GUCY1A2: variants seen among roughly 807,000 people sequenced by gnomAD.
The protein encoded by GUCY1A2 is guanylate cyclase 1 soluble subunit alpha 2, also known as guanylate cyclase soluble subunit alpha-2.
GUCY1A2 carries 27 observed loss-of-function variants against 63.5 expected under a neutral mutation model. The ratio of observed to expected loss-of-function variants is 0.43; its 90% confidence interval spans 0.31 to 0.59. GUCY1A2 has a LOEUF of 0.59. Among genes scored for constraint, GUCY1A2 ranks in the 20% least tolerant of loss-of-function variants. The pLI is 0.11. For synonymous variants in GUCY1A2, 364 were observed against 343.5 expected, an observed-to-expected ratio of 1.06 and a Z score of -0.66; for missense variants, 768 against 913.3, an observed-to-expected ratio of 0.84 and a Z score of 2.05.
chr11:106,946,460 ACT>A (rs1860830470), intron 3 of GUCY1A2, among the ~76,000 whole-genome samples: 1 of 152,116 alleles, frequency 6.6e-6, no homozygotes, highest in African/African-American at 2.4e-5. Context: ...AAATGAGAAA[ACT>A]CTCACAAGAA....
intron 1 of GUCY1A2, among the ~76,000 whole-genome samples, chr11:107,006,380 C>A (rs938325303): frequency 1.3e-5 from 2 of 152,018 alleles, no homozygotes; most frequent in Non-Finnish European, 2.9e-5. Context: ...AAGTTATTTC[C>A]CCAAAGTCAA....
chr11:106,713,884 C>G lies in GUCY1A2; in HGVS notation c.1837-5218G>C, dbSNP rs186992360. ...TGTTATCTTGTGCAATGCATGTTTG[C>G]TAGAAGTACACCCAAACTTTAGATG... On this transcript the variant is annotated intron_variant, in intron 6 of 7. Coordinates refer to ENST00000526355, the MANE Select transcript of GUCY1A2 (RefSeq NM_000855.3). Among the ~76,000 whole-genome samples, 195 of 151,992 alleles carry G rather than the reference C, an allele frequency of 1.3e-3. 1 individual carries two copies. The highest frequency in any genetic ancestry group is 2.3e-3 in the Non-Finnish European group (157 of 67,964).
Position 106,728,717 on chromosome 11 carries a change from T to C in GUCY1A2, c.1837-20051A>G, listed in dbSNP as rs185603619. ...AAACTGAAGATGTAAATTTTATAAT[T>C]ACCGAAGATCAATATTATGACACTT... On this transcript the variant is annotated intron_variant, in intron 6 of 7. Transcript: ENST00000526355. Among the ~76,000 whole-genome samples, 722 of 152,298 alleles carry C rather than the reference T, an allele frequency of 4.7e-3. 1 individual carries two copies. Among genetic ancestry groups the C allele is most frequent in the Non-Finnish European group, 7.6e-3 (516 of 68,008 alleles).
chr11:106,929,533 A>C (rs1054953098), intron 4 of GUCY1A2, among the ~76,000 whole-genome samples: 1 of 152,162 alleles, frequency 6.6e-6, no homozygotes, highest in African/African-American at 2.4e-5. Context: ...TTTTCACAAT[A>C]GCACAAAATG....
At chr11:107,016,227 G>A (rs1015197314) in intron 1 of GUCY1A2, among the ~76,000 whole-genome samples, 7 of 152,140 alleles carry the variant, frequency 4.6e-5, no homozygotes, top group Non-Finnish European at 8.8e-5. Context: ...GATTCATTTC[G>A]GAAACTTTAA....
intron 7 of GUCY1A2, among the ~76,000 whole-genome samples, chr11:106,706,777 T>C (rs1862921212): frequency 6.6e-6 from 1 of 151,786 alleles, no homozygotes; most frequent in South Asian, 2.1e-4. Context: ...TAATAGGATA[T>C]GAGTGAGGTA....
chr11:106,745,678 G>T (rs1368602332), intron 6 of GUCY1A2, among the ~76,000 whole-genome samples: 1 of 152,166 alleles, frequency 6.6e-6, no homozygotes, highest in East Asian at 1.9e-4. Context: ...CATATGTAAT[G>T]ACTGTCCTAA....
At chr11:106,840,669 CTT>C (rs995089822) in intron 4 of GUCY1A2, among the ~76,000 whole-genome samples, 1 of 151,860 alleles carries the variant, frequency 6.6e-6, no homozygotes, top group African/African-American at 2.4e-5. Flanking sequence ...TTCTGTGATA[CTT>C]TTTGTATTCT....
intron 4 of GUCY1A2, among the ~76,000 whole-genome samples, chr11:106,873,558 A>G (rs1303876553): frequency 1.3e-5 from 2 of 152,122 alleles, no homozygotes; most frequent in East Asian, 1.9e-4. Context: ...TTGGCCACGT[A>G]CATGTCTTTT....
At chr11:106,724,779 A>G (rs889748855) in intron 6 of GUCY1A2, among the ~76,000 whole-genome samples, 4 of 152,186 alleles carry the variant, frequency 2.6e-5, no homozygotes, top group Non-Finnish European at 5.9e-5. Flanking sequence ...AGATGTGAGC[A>G]TCACTATCCT....
intron 4 of GUCY1A2, among the ~76,000 whole-genome samples, chr11:106,880,681 G>A (rs980224934): frequency 6.6e-6 from 1 of 152,084 alleles, no homozygotes; most frequent in African/African-American, 2.4e-5. Flanking sequence ...AAAATTTGGG[G>A]AAGAGTGGAT....
At chr11:107,009,477 C>T (rs1861714967) in intron 1 of GUCY1A2, among the ~76,000 whole-genome samples, 1 of 152,120 alleles carries the variant, frequency 6.6e-6, no homozygotes, top group Non-Finnish European at 1.5e-5. Context: ...TCTACAATCC[C>T]CAACCTTTTC....
Position 106,764,181 on chromosome 11 carries a change from C to T in GUCY1A2, c.1836+12258G>A, listed in dbSNP as rs148792945. 1.3e-3 allele frequency among the ~76,000 whole-genome samples: 205 copies of T among 152,194 alleles called. 2 individuals are homozygous for T. The East Asian group carries it at 0.02, about 15-fold the overall frequency. ...AATTGTCCTCATTATTTCAACATCT[C>T]GATGTGAGTTTGCCTTGAGTTAGAA... On this transcript the variant is annotated intron_variant, in intron 6 of 7. Transcript: ENST00000526355.
chr11:106,688,268 A>G (rs1045800294), intron 7 of GUCY1A2, among the ~76,000 whole-genome samples: 2 of 152,140 alleles, frequency 1.3e-5, no homozygotes, highest in Non-Finnish European at 2.9e-5. Context: ...GTGACTCCCA[A>G]TGTCTCTGAT....
chr11:106,721,065 A>ATTT (rs71041688), intron 6 of GUCY1A2, among the ~76,000 whole-genome samples: 7,347 of 145,020 alleles, frequency 0.051, 261 homozygotes, highest in South Asian at 0.082. Flanking sequence ...ATATTTGCAA[A>ATTT]TTTTTTTTTT....
At chr11:106,826,664 C>T (rs1186327270) in intron 4 of GUCY1A2, 1 of 1,608,716 alleles carries the variant, frequency 6.2e-7, no homozygotes, top group Non-Finnish European at 8.5e-7. Flanking sequence ...AATTTTGTCA[C>T]ATGAGCAAAC....
intron 3 of GUCY1A2, among the ~76,000 whole-genome samples, chr11:106,966,039 T>C (rs1196636249): frequency 6.6e-6 from 1 of 152,022 alleles, no homozygotes. Flanking sequence ...GATTTAAGAA[T>C]ATTATCGTTA....
intron 6 of GUCY1A2, among the ~76,000 whole-genome samples, chr11:106,745,304 C>T (rs922226948): frequency 6.6e-6 from 1 of 152,162 alleles, no homozygotes; most frequent in Non-Finnish European, 1.5e-5. Context: ...TGTGAATGGA[C>T]ACACACCCAC....
chr11:106,760,424 G>A (rs1864046004), intron 6 of GUCY1A2, among the ~76,000 whole-genome samples: 1 of 152,110 alleles, frequency 6.6e-6, no homozygotes, highest in Non-Finnish European at 1.5e-5. Flanking sequence ...TCTAAAGTGG[G>A]CCGAACTTCA....
Sources: allele counts gnomAD v4.1 joint callset (sites outside exome capture counted in the v4.1 genomes callset), GRCh38; gene constraint gnomAD v4.1.1; transcripts MANE v1.5; gene names NCBI Gene and HGNC (gene_info 2026-07-23, HGNC 2026-07-21).